KHDRBS2: variants seen among roughly 807,000 people sequenced by gnomAD.
KHDRBS2 encodes KH RNA binding domain containing, signal transduction associated 2, also known as KH domain-containing, RNA-binding, signal transduction-associated protein 2.
In KHDRBS2, 26 loss-of-function variants were observed where a neutral mutation model predicts 44.3. That is an observed-to-expected ratio of 0.59 (90% CI 0.43 to 0.81). KHDRBS2 has a LOEUF of 0.81. Ranked by LOEUF, KHDRBS2 falls within the 40% of genes least tolerant of loss-of-function variation. The probability of loss-of-function intolerance (pLI) is 0.00; values close to 1 mark genes in which losing one functional copy is unlikely to be tolerated. For synonymous variants in KHDRBS2, 194 were observed against 151.1 expected (o/e 1.28, Z -2.08); for missense variants, 476 against 433.1 (o/e 1.10, Z -0.88).
intron 1 of KHDRBS2, among the ~76,000 whole-genome samples, chr6:62,183,393 G>A (rs1397127059): frequency 6.6e-6 from 1 of 151,532 alleles, no homozygotes; most frequent in Admixed American, 6.6e-5. Context: ...ACAACATAGA[G>A]CTATATAGAA....
intron 3 of KHDRBS2, among the ~76,000 whole-genome samples, chr6:62,042,637 G>A (rs1786785247): frequency 6.6e-6 from 1 of 152,092 alleles, no homozygotes; most frequent in African/African-American, 2.4e-5. Flanking sequence ...GATGAGAGAT[G>A]GCTGGTGCTA....
chr6:61,607,028 CA>C, the KHDRBS2 span, among the ~76,000 whole-genome samples: 1 of 151,822 alleles, frequency 6.6e-6, no homozygotes, highest in African/African-American at 2.4e-5. Context: ...AAACATAAGT[CA>C]AATAACACCT....
chr6:61,818,371 T>C (rs1421134333), intron 6 of KHDRBS2, among the ~76,000 whole-genome samples: 1 of 150,350 alleles, frequency 6.7e-6, no homozygotes. Context: ...TTTAATATAA[T>C]ATACTAAGAT....
chr6:62,126,636 C>G (rs1296161524), intron 2 of KHDRBS2, among the ~76,000 whole-genome samples: 1 of 152,176 alleles, frequency 6.6e-6, no homozygotes, highest in Non-Finnish European at 1.5e-5. Flanking sequence ...TCACCACAGA[C>G]AGACTTCATT....
At chr6:61,767,577 T>C (rs2127574918) in intron 6 of KHDRBS2, among the ~76,000 whole-genome samples, 1 of 152,248 alleles carries the variant, frequency 6.6e-6, no homozygotes. Context: ...TTTGTTTTTG[T>C]GAAGGTGATT....
chr6:61,901,535 A>G (rs1583417715), intron 4 of KHDRBS2, among the ~76,000 whole-genome samples, 164 bp from the exon 5 acceptor site: 1 of 152,162 alleles, frequency 6.6e-6, no homozygotes, highest in East Asian at 1.9e-4. Flanking sequence ...AAAAGTGTAT[A>G]TACTTTAAAT....
At chr6:61,676,037 A>C (rs940045548), downstream of KHDRBS2, among the ~76,000 whole-genome samples, 39 of 151,826 alleles carry the variant, frequency 2.6e-4, no homozygotes, top group Non-Finnish European at 4.7e-4. Context: ...ATTGAAGATC[A>C]TGAGGGCAGA....
intron 2 of KHDRBS2, among the ~76,000 whole-genome samples, chr6:62,132,565 A>G (rs1461857440): frequency 2.6e-5 from 4 of 152,162 alleles, no homozygotes; most frequent in African/African-American, 7.2e-5. Flanking sequence ...AGCAGCTACC[A>G]TGGTTGAAGC....
chr6:61,892,146 T>C (rs1046938616), intron 6 of KHDRBS2, among the ~76,000 whole-genome samples: 23 of 152,248 alleles, frequency 1.5e-4, no homozygotes, highest in African/African-American at 5.5e-4. Flanking sequence ...GAACTCCCAT[T>C]CACAATTGCT....
intron 6 of KHDRBS2, among the ~76,000 whole-genome samples, chr6:61,769,479 CA>C (rs756734869): frequency 3.3e-5 from 5 of 152,134 alleles, no homozygotes; most frequent in Non-Finnish European, 7.3e-5. Context: ...TGCGCTTTTC[CA>C]AAGGGCTTAA....
chr6:61,767,402 T>C (rs1780171991), intron 6 of KHDRBS2, among the ~76,000 whole-genome samples: 1 of 152,138 alleles, frequency 6.6e-6, no homozygotes, highest in Non-Finnish European at 1.5e-5. Flanking sequence ...CTTGTTTTTA[T>C]TTAATCCATT....
the KHDRBS2 span, among the ~76,000 whole-genome samples, chr6:61,593,637 T>A: frequency 6.7e-6 from 1 of 148,292 alleles, no homozygotes; most frequent in African/African-American, 2.5e-5. Context: ...ATAGTACTTG[T>A]CATATAGATT....
chr6:62,124,947 G>C (rs1184188241), intron 2 of KHDRBS2, among the ~76,000 whole-genome samples: 2 of 152,060 alleles, frequency 1.3e-5, no homozygotes, highest in Non-Finnish European at 2.9e-5. Flanking sequence ...CTGGTGTAAG[G>C]TTATATCATA....
At chr6:61,545,415 T>G in the KHDRBS2 span, among the ~76,000 whole-genome samples, 1 of 152,084 alleles carries the variant, frequency 6.6e-6, no homozygotes, top group South Asian at 2.1e-4. Flanking sequence ...CTTCAACATG[T>G]GCTTTTGACA....
Position 61,776,474 on chromosome 6 carries a change from A to G in KHDRBS2, c.811-43710T>C, listed in dbSNP as rs553186414. 1.6e-4 allele frequency among the ~76,000 whole-genome samples: 24 copies of G among 152,330 alleles called. No individual in the cohort carries two copies. In the South Asian group the frequency reaches 3.1e-3, roughly 20 times the overall value. On this transcript the variant is annotated intron_variant, in intron 6 of 8. Transcript: ENST00000281156. Reference sequence around the variant, plus strand: ...AAAACAACCCTATCAAAAAGTGGGCAAAAGACATGAACAGACACTTCTCAA... The same window carrying G: ...AAAACAACCCTATCAAAAAGTGGGCGAAAGACATGAACAGACACTTCTCAA...
chr6:61,917,690 C>T (rs1217612736), intron 4 of KHDRBS2, among the ~76,000 whole-genome samples: 1 of 151,844 alleles, frequency 6.6e-6, no homozygotes, highest in Admixed American at 6.6e-5. Context: ...AACAACTATA[C>T]CACTGTGGTG....
At chr6:61,862,706 G>A (rs750510242) in intron 6 of KHDRBS2, among the ~76,000 whole-genome samples, 7 of 151,944 alleles carry the variant, frequency 4.6e-5, no homozygotes, top group African/African-American at 9.7e-5. Context: ...TTGATATACC[G>A]CTGAATTCAG....
At chr6:62,219,786 T>A (rs1830579475) in intron 1 of KHDRBS2, among the ~76,000 whole-genome samples, 1 of 148,326 alleles carries the variant, frequency 6.7e-6, no homozygotes. Flanking sequence ...ATATATATAT[T>A]TTTATTTACT....
chr6:62,231,711 C>A (rs564544130), intron 1 of KHDRBS2, among the ~76,000 whole-genome samples: 1 of 152,250 alleles, frequency 6.6e-6, no homozygotes, highest in African/African-American at 2.4e-5. Flanking sequence ...ATTGTTTGCA[C>A]TACAGTTTAA....
Sources: allele counts gnomAD v4.1 joint callset (sites outside exome capture counted in the v4.1 genomes callset), GRCh38; gene constraint gnomAD v4.1.1; transcripts MANE v1.5; gene names NCBI Gene and HGNC (gene_info 2026-07-23, HGNC 2026-07-21).